Variants in CENPU observed in about 807,000 individuals in gnomAD.
CENPU encodes the protein KSHV latent nuclear antigen interacting protein 1.
A neutral mutation model predicts 56.7 loss-of-function variants in CENPU; 46 were observed. The ratio of observed to expected loss-of-function variants is 0.81; its 90% CI spans 0.64 to 1.04. The LOEUF (loss-of-function observed/expected upper bound fraction) is 1.04. CENPU is among the 50% of genes least tolerant of loss of function. The pLI, the probability that CENPU is intolerant of heterozygous loss-of-function variation, is 0.00. For missense variants in CENPU, 510 were observed against 490.1 expected, an observed-to-expected ratio of 1.04 and a Z score of -0.38; for synonymous variants, 166 against 163.0, an observed-to-expected ratio of 1.02 and a Z score of -0.14.
At chr4:184,730,413 G>A (rs1422659900) in intron 2 of CENPU, among the ~76,000 whole-genome samples, 1 of 151,638 alleles carries the variant, frequency 6.6e-6, no homozygotes, top group Admixed American at 6.6e-5. Context: ...TCCTTCCGGG[G>A]TGCCTGGCAC....
chr4:184,694,938 T>G lies in CENPU; in HGVS notation c.*350A>C. The G allele has an allele frequency of 1.6e-6, 1 of 617,512 alleles. No individual in the cohort carries two copies. Among genetic ancestry groups the G allele is most frequent in the Non-Finnish European group, 2.7e-6 (1 of 365,696 alleles). The allele number at this position is 617,512 out of a possible 1,614,324, so 38.3% of individuals were successfully genotyped here. On this transcript the variant is annotated 3_prime_UTR_variant, in exon 13 of 13. Transcript: ENST00000281453. ...TCTGTAAACCAATTTCATTAAAAAT[T>G]AGCTTTGGTGTAAATTCAGGAGAAA...
At chr4:184,704,204 C>T (rs954676653) in intron 8 of CENPU, among the ~76,000 whole-genome samples, 1 of 152,178 alleles carries the variant, frequency 6.6e-6, no homozygotes. Context: ...CTCAGCCTCC[C>T]GTGTAGCTGG....
Position 184,716,601 on chromosome 4 carries a change from G to C in CENPU, c.414C>G (p.Asp138Glu). The part of the protein sequence containing the change: ...PGRKLRPISD[D>E]SESIEESDTR... ...TATCACTTTCTTCAATGCTTTCAGA[G>C]TCATCACTAATGGGCCTGAGCTTTC... is the stretch of plus-strand genomic sequence containing the variant. The change falls in exon 6 of 13, where the codon GAC (aspartate) becomes GAG (glutamate). Residue 138 changes from aspartate to glutamate, a missense_variant. Transcript: ENST00000281453. The C allele has an allele frequency of 6.2e-7, 1 of 1,614,122 alleles. No homozygotes were observed. The highest frequency in any genetic ancestry group is 8.5e-7 in the Non-Finnish European group (1 of 1,180,008).
intron 3 of CENPU, among the ~76,000 whole-genome samples, chr4:184,727,065 G>A (rs1194790555): frequency 6.8e-6 from 1 of 147,324 alleles, no homozygotes; most frequent in African/African-American, 2.6e-5. Context: ...GCAGTGAGCC[G>A]AGATCGCGCC....
chr4:184,702,454 T>TA lies in CENPU; in HGVS notation c.798-14dup, dbSNP rs754785537. The TA allele has an allele frequency of 2.3e-5, 36 of 1,585,516 alleles. No individual in the cohort carries two copies. Among genetic ancestry groups the TA allele is most frequent in the Admixed American group, 7.4e-5 (4 of 54,398 alleles). On this transcript the variant is annotated splice_polypyrimidine_tract_variant and intron_variant, in intron 8 of 12. Transcript: ENST00000281453. ...TTCTATTCTTTGTCTGTAGAGGAAT[T>TA]AAAAAAAAGTCTAAGTACCATGATG...
intron 11 of CENPU, among the ~76,000 whole-genome samples, chr4:184,698,715 C>T (rs1015748050): frequency 6.6e-6 from 1 of 152,186 alleles, no homozygotes; most frequent in Non-Finnish European, 1.5e-5. Context: ...TCCCAAAGTG[C>T]TGGGACTACA....
intron 2 of CENPU, among the ~76,000 whole-genome samples, chr4:184,729,475 C>T (rs578160818): frequency 6.6e-6 from 1 of 152,324 alleles, no homozygotes; most frequent in South Asian, 2.1e-4. Flanking sequence ...TGGCTGTGTT[C>T]CAATACAATT....
At chr4:184,722,670 CAA>C (rs201543581) in intron 4 of CENPU, among the ~76,000 whole-genome samples, 1,754 of 149,056 alleles carry the variant, frequency 0.012, 17 homozygotes, top group Middle Eastern at 0.066. Flanking sequence ...GGTGTTTTGT[CAA>C]AAGAGAGATG....
rs754828733 is a variant in CENPU at position 184,695,243 on chromosome 4, A to G, written c.*45T>C. On this transcript the variant is annotated 3_prime_UTR_variant, in exon 13 of 13. Coordinates refer to ENST00000281453, the MANE Select transcript of CENPU (RefSeq NM_024629.4). ...AGGTACAGTTTCAGAAGGTAACAGCATGAGACTAGTCTTCCTATAGGCACA... is the reference window on the plus strand; with the variant it reads ...AGGTACAGTTTCAGAAGGTAACAGCGTGAGACTAGTCTTCCTATAGGCACA... 154 of 1,239,992 alleles carry G rather than the reference A, an allele frequency of 1.2e-4. No homozygotes were observed. The Admixed American group carries it at 2.0e-3, about 16-fold the overall frequency. The allele number at this position is 1,239,992 out of a possible 1,614,324, so 76.8% of individuals were successfully genotyped here.
At chr4:184,733,026 G>C (rs1436608038) in intron 1 of CENPU, among the ~76,000 whole-genome samples, 2 of 151,464 alleles carry the variant, frequency 1.3e-5, no homozygotes, top group Admixed American at 6.6e-5. Flanking sequence ...ATGTGCGTAA[G>C]TGTGTTTTGG....
At chr4:184,726,055 CTTCAACATTTT>C (rs1280720849) in intron 3 of CENPU, among the ~76,000 whole-genome samples, 1 of 152,170 alleles carries the variant, frequency 6.6e-6, no homozygotes, top group African/African-American at 2.4e-5. Context: ...ACAGTGCAAA[CTTCAACATTTT>C]TTCAACTAAA....
At chr4:184,731,341 G>A (rs1186130028) in intron 1 of CENPU, among the ~76,000 whole-genome samples, 7 of 152,170 alleles carry the variant, frequency 4.6e-5, no homozygotes, top group African/African-American at 1.7e-4. Context: ...GTCCTATAAG[G>A]TAGAAGTGAA....
chr4:184,712,893 C>A, intron 7 of CENPU, 51 bp downstream of exon 7: 1 of 1,249,050 alleles, frequency 8.0e-7, no homozygotes, highest in Non-Finnish European at 1.1e-6. Context: ...GGTCTTATTT[C>A]TCTTATGAAA....
chr4:184,709,465 G>C (rs1373349700), intron 8 of CENPU, among the ~76,000 whole-genome samples: 1 of 148,248 alleles, frequency 6.7e-6, no homozygotes, highest in Admixed American at 6.7e-5. Context: ...CCAGCCTGGA[G>C]ACAGAGAGAG....
chr4:184,697,586 CA>C, intron 12 of CENPU, 60 bp downstream of exon 12: 1 of 1,487,006 alleles, frequency 6.7e-7, no homozygotes, highest in Non-Finnish European at 9.3e-7. Flanking sequence ...GATACTCTAG[CA>C]TGAAAATGCC....
At chr4:184,719,539 C>T (rs1005883270) in intron 4 of CENPU, among the ~76,000 whole-genome samples, 2 of 152,202 alleles carry the variant, frequency 1.3e-5, no homozygotes, top group African/African-American at 4.8e-5. Flanking sequence ...GGCTAAAGTG[C>T]TCTGGGGCCC....
chr4:184,728,844 T>A, intron 3 of CENPU, 74 bp downstream of exon 3: 1 of 1,067,170 alleles, frequency 9.4e-7, no homozygotes, highest in Non-Finnish European at 1.4e-6. Flanking sequence ...TGAAGATACT[T>A]CTATTTTTTA....
chr4:184,697,675 T>G lies in CENPU; in HGVS notation c.1115A>C (p.Gln372Pro), dbSNP rs1454506443. Residue 372 changes from glutamine to proline, a missense_variant, in exon 12 of 13, where the codon CAA becomes CCA. Coordinates refer to ENST00000281453, the MANE Select transcript of CENPU (RefSeq NM_024629.4). The stretch of plus-strand genomic sequence containing the variant: ...TTCCTTTACGTTTGGTTCTTGAGCT[T>G]GAACATCTGAATAATCTTGATAAAG... ...KQLYQDYSDV[Q>P]AQEPNVKETY... is the part of the protein sequence containing the mutation. 6.2e-6 allele frequency: 10 copies of G among 1,612,952 alleles called. No individual in the cohort carries two copies. Among genetic ancestry groups the G allele is most frequent in the Non-Finnish European group, 8.5e-6 (10 of 1,179,688 alleles).
rs757193964 is a variant in CENPU, at chr4:184,734,037, G to GGCCGCCGCC, written c.17_25dup (p.Arg6_Arg8dup). The stretch of plus-strand genomic sequence containing the variant: ...TTACCCCTCAGACCTGTGAGGCCGC[G>GGCCGCCGCC]GCCGCCGCCGCCCCCGCGGGGCCAT... On this transcript the variant is annotated inframe_insertion, in exon 1 of 13. Transcript: ENST00000281453. The GGCCGCCGCC allele has an allele frequency of 3.8e-6, 6 of 1,580,048 alleles. No homozygotes were observed. Among genetic ancestry groups the GGCCGCCGCC allele is most frequent in the Non-Finnish European group, 5.1e-6 (6 of 1,165,664 alleles).
Sources: allele counts gnomAD v4.1 joint callset (sites outside exome capture counted in the v4.1 genomes callset), GRCh38; gene constraint gnomAD v4.1.1; transcripts MANE v1.5; gene names NCBI Gene and HGNC (gene_info 2026-07-23, HGNC 2026-07-21).